The following TULP4 variants were observed in gnomAD, a reference collection of about 807,000 sequenced individuals.
TULP4 encodes TUB like protein 4.
A neutral mutation model predicts 129.0 loss-of-function variants in TULP4; 16 were observed. The ratio of observed to expected loss-of-function variants is 0.12; its 90% CI spans 0.08 to 0.19. The LOEUF (loss-of-function observed/expected upper bound fraction) is 0.19, where lower values mean the gene tolerates loss of function less well. TULP4 is among the 10% of genes least tolerant of loss of function. The probability of loss-of-function intolerance (pLI) is 1.00; values close to 1 mark genes in which losing one functional copy is unlikely to be tolerated. For synonymous variants in TULP4, 998 were observed against 854.0 expected, an observed-to-expected ratio of 1.17 and a Z score of -2.94; for missense variants, 1,842 against 2,059.1, an observed-to-expected ratio of 0.89 and a Z score of 2.04.
chr6:158,367,977 C>T (rs1776963839), intron 1 of TULP4, among the ~76,000 whole-genome samples: 1 of 148,500 alleles, frequency 6.7e-6, no homozygotes, highest in African/African-American at 2.5e-5. Context: ...GTAGTCCCTC[C>T]CAGCTACTCG....
At chr6:158,363,756 A>T (rs909813493) in intron 1 of TULP4, among the ~76,000 whole-genome samples, 8 of 151,898 alleles carry the variant, frequency 5.3e-5, no homozygotes, top group African/African-American at 1.7e-4. Flanking sequence ...AAGTGCTGGG[A>T]TTACAGGCGT....
chr6:158,240,228 C>G (rs1263908604), intron 1 of TULP4, among the ~76,000 whole-genome samples: 1 of 76,068 alleles, frequency 1.3e-5, no homozygotes, highest in Non-Finnish European at 2.9e-5. Context: ...CTGACCCCCC[C>G]ACCTCCCTCC....
intron 1 of TULP4, among the ~76,000 whole-genome samples, chr6:158,352,767 C>G (rs1315441789): frequency 6.6e-6 from 1 of 152,182 alleles, no homozygotes; most frequent in Non-Finnish European, 1.5e-5. Context: ...TCTCCCCATC[C>G]ATTAAAACAT....
intron 1 of TULP4, among the ~76,000 whole-genome samples, chr6:158,232,584 C>G (rs1777617794): frequency 6.6e-6 from 1 of 151,834 alleles, no homozygotes; most frequent in South Asian, 2.1e-4. Context: ...GGGGCGAAAG[C>G]TGAGCGCGGG....
rs978170834 is a variant in TULP4, at chr6:158,312,649, A to T, written c.-1368A>T. 1 of 152,346 alleles carries T rather than the reference A, an allele frequency of 6.6e-6. No homozygotes were observed. The highest frequency in any genetic ancestry group is 6.5e-5 in the Admixed American group (1 of 15,286). 9.4% of individuals were successfully genotyped at this position (152,346 alleles called of 1,614,324 possible). Reference sequence around the variant, plus strand: ...CTGATTCCTTTGCCTATCTTAATTAACTGTATTTGAGAAATTTTAATTTAT... The same window carrying T: ...CTGATTCCTTTGCCTATCTTAATTATCTGTATTTGAGAAATTTTAATTTAT... On this transcript the variant is annotated 5_prime_UTR_variant, in exon 1 of 14. Coordinates refer to ENST00000367097, the MANE Select transcript of TULP4 (RefSeq NM_020245.5).
intron 1 of TULP4, among the ~76,000 whole-genome samples, chr6:158,348,117 T>A (rs1253077000): frequency 2.7e-5 from 4 of 149,824 alleles, no homozygotes; most frequent in African/African-American, 9.8e-5. Context: ...ATAAATGCCA[T>A]AAATCCACTG....
chr6:158,414,024 G>C (rs1778153633), intron 2 of TULP4, among the ~76,000 whole-genome samples: 1 of 152,188 alleles, frequency 6.6e-6, no homozygotes, highest in Non-Finnish European at 1.5e-5. Context: ...CCCACCTGTT[G>C]CTTAAATAAG....
chr6:158,247,487 A>G (rs1778050270), intron 1 of TULP4, among the ~76,000 whole-genome samples: 1 of 152,240 alleles, frequency 6.6e-6, no homozygotes, highest in Admixed American at 6.5e-5. Context: ...CTTAAATGTT[A>G]TAGAGTGTTG....
intron 1 of TULP4, among the ~76,000 whole-genome samples, chr6:158,233,989 G>GGGA (rs1777643647): frequency 6.6e-6 from 1 of 152,134 alleles, no homozygotes; most frequent in Non-Finnish European, 1.5e-5. Flanking sequence ...CTGAATTAGA[G>GGGA]GGAGGAATAT....
chr6:158,293,899 A>G (rs1272238877), intron 1 of TULP4, among the ~76,000 whole-genome samples: 1 of 152,248 alleles, frequency 6.6e-6, no homozygotes, highest in East Asian at 1.9e-4. Flanking sequence ...ATAGCCACAT[A>G]ACGAGTGGCT....
At chr6:158,279,466 G>A (rs190250821), upstream of TULP4, among the ~76,000 whole-genome samples, 318 of 152,222 alleles carry the variant, frequency 2.1e-3, no homozygotes, top group Non-Finnish European at 3.3e-3. Context: ...ATGGGAAGAC[G>A]GTAATATTCT....
intron 1 of TULP4, among the ~76,000 whole-genome samples, chr6:158,393,209 A>G (rs1459377434): frequency 6.6e-6 from 1 of 152,240 alleles, no homozygotes; most frequent in Non-Finnish European, 1.5e-5. Flanking sequence ...CTGATGCAAG[A>G]GGTGGGCTCC....
intron 1 of TULP4, among the ~76,000 whole-genome samples, chr6:158,363,885 T>G (rs1448249430): frequency 2.0e-5 from 3 of 152,178 alleles, no homozygotes; most frequent in Non-Finnish European, 2.9e-5. Context: ...TAATGTCATA[T>G]GAAAAGAAAA....
chr6:158,285,322 T>C (rs948319278), intron 1 of TULP4, among the ~76,000 whole-genome samples: 1 of 152,094 alleles, frequency 6.6e-6, no homozygotes, highest in African/African-American at 2.4e-5. Flanking sequence ...ATTATTTGTT[T>C]ATTGTTGCTG....
At chr6:158,427,332 T>A (rs897167345) in intron 2 of TULP4, among the ~76,000 whole-genome samples, 1 of 152,240 alleles carries the variant, frequency 6.6e-6, no homozygotes, top group Admixed American at 6.5e-5. Context: ...GATTGACTTC[T>A]GGGGCGAGGA....
chr6:158,258,234 A>G (rs968888425), intron 1 of TULP4, among the ~76,000 whole-genome samples: 4 of 152,164 alleles, frequency 2.6e-5, no homozygotes, highest in Non-Finnish European at 5.9e-5. Flanking sequence ...AGGATGCTGC[A>G]TGGATGGGGC....
At chr6:158,346,177 T>C (rs958938153) in intron 1 of TULP4, among the ~76,000 whole-genome samples, 2 of 152,224 alleles carry the variant, frequency 1.3e-5, no homozygotes, top group African/African-American at 4.8e-5. Context: ...ACATATGTTT[T>C]ACAATCAATT....
intron 5 of TULP4, among the ~76,000 whole-genome samples, chr6:158,458,994 AC>A (rs1253935497): frequency 3.3e-5 from 5 of 152,206 alleles, no homozygotes; most frequent in African/African-American, 4.8e-5. Context: ...GCACTCACAT[AC>A]GTTGCTATAT....
At chr6:158,289,205 G>A (rs1410820525) in intron 1 of TULP4, among the ~76,000 whole-genome samples, 1 of 152,108 alleles carries the variant, frequency 6.6e-6, no homozygotes, top group Non-Finnish European at 1.5e-5. Context: ...ATAACATTAA[G>A]TTGTTCATGG....
Sources: allele counts gnomAD v4.1 joint callset (sites outside exome capture counted in the v4.1 genomes callset), GRCh38; gene constraint gnomAD v4.1.1; transcripts MANE v1.5; gene names NCBI Gene and HGNC (gene_info 2026-07-23, HGNC 2026-07-21).